Variants in TMEM41B observed in about 807,000 individuals in gnomAD.
TMEM41B encodes the protein protein stasimon.
A neutral mutation model predicts 31.9 loss-of-function variants in TMEM41B; 18 were observed. The ratio of observed to expected loss-of-function variants is 0.56; its 90% confidence interval spans 0.39 to 0.84. The LOEUF (loss-of-function observed/expected upper bound fraction) is 0.84, where lower values mean the gene tolerates loss of function less well. Ranked by LOEUF, TMEM41B falls within the 40% of genes least tolerant of loss-of-function variation. The probability of loss-of-function intolerance (pLI) is 0.00; values close to 1 mark genes in which losing one functional copy is unlikely to be tolerated. For synonymous variants in TMEM41B, 144 were observed against 124.3 expected (o/e 1.16, Z -1.05); for missense variants, 322 against 348.0 (o/e 0.93, Z 0.59).
intron 6 of TMEM41B, among the ~76,000 whole-genome samples, chr11:9,285,994 AG>A (rs145460210): frequency 0.024 from 3,609 of 152,256 alleles, 132 homozygotes; most frequent in African/African-American, 0.082. Context: ...GTGTGCCTGC[AG>A]TACCAGCTCC....
chr11:9,288,037 CA>C, intron 4 of TMEM41B: 1 of 496,978 alleles, frequency 2.0e-6, no homozygotes. Flanking sequence ...TGACTATATC[CA>C]AATAATTAAT....
intron 1 of TMEM41B, among the ~76,000 whole-genome samples, chr11:9,304,446 T>C (rs1853333861): frequency 6.6e-6 from 1 of 152,152 alleles, no homozygotes; most frequent in South Asian, 2.1e-4. Flanking sequence ...GTTGTTTTGG[T>C]TTATAAATAT....
chr11:9,311,555 T>A, intron 1 of TMEM41B: 1 of 1,124,016 alleles, frequency 8.9e-7, no homozygotes, highest in Non-Finnish European at 1.3e-6. Flanking sequence ...GCGGAGCTCC[T>A]GGGGGAGGAG....
intron 3 of TMEM41B, among the ~76,000 whole-genome samples, chr11:9,292,188 G>C (rs1199444296): frequency 6.6e-6 from 1 of 152,128 alleles, no homozygotes; most frequent in Admixed American, 6.5e-5. Context: ...GAAGAAACCA[G>C]ATCATTTGTA....
chr11:9,314,419 T>G lies in TMEM41B; in HGVS notation c.23A>C (p.Glu8Ala). 6.4e-7 allele frequency: 1 copy of G among 1,561,578 alleles called. No individual in the cohort carries two copies. The highest frequency in any genetic ancestry group is 8.7e-7 in the Non-Finnish European group (1 of 1,152,592). The change falls in exon 1 of 7, where the codon GAA becomes GCA. Residue 8 changes from glutamate (E) to alanine (A), a missense_variant. Physicochemically the swap from Glu to Ala is moderately radical, Grantham distance 107 (BLOSUM62 -1). This residue lies in a region of TMEM41B where 183 missense variants were observed against 175.3 expected (regional missense o/e 1.04). Transcript: ENST00000528080. MAKGRVA[E>A]RSQLGAHHTT... ...GTGGTGAGCGCCCAACTGCGATCGT[T>G]CGGCGACTCTGCCTTTCGCCATGGC...
chr11:9,311,164 CG>C lies in TMEM41B; in HGVS notation c.121+3156del, dbSNP rs1564969755. The C allele has an allele frequency of 5.9e-6, 7 of 1,183,656 alleles. 1 individual carries two copies. In the African/African-American group the frequency reaches 7.7e-5, roughly 13 times the overall value. The allele number at this position is 1,183,656 out of a possible 1,614,324, so 73.3% of individuals were successfully genotyped here. A position where few individuals can be genotyped will look rare whatever the true frequency, so the allele number is the denominator to read the frequency against. ...GCTCAACAGCAGGGTGAAGCTCAGG[CG>C]GGGGTAGGGTGTGGGGAGCACAAGG... On this transcript the variant is annotated intron_variant, in intron 1 of 6. Transcript: ENST00000528080.
intron 6 of TMEM41B, among the ~76,000 whole-genome samples, chr11:9,286,133 T>C (rs560480610): frequency 6.6e-6 from 1 of 152,150 alleles, no homozygotes; most frequent in Non-Finnish European, 1.5e-5. Context: ...GGAAGGGACA[T>C]AGGAGAAAAT....
chr11:9,295,499 G>C (rs1194810657), intron 2 of TMEM41B, 112 bp from the exon 3 acceptor site: 5 of 646,630 alleles, frequency 7.7e-6, no homozygotes, highest in Non-Finnish European at 1.3e-5. Context: ...GATCTATTAA[G>C]TCTAAATTAG....
At chr11:9,287,458 A>G (rs967010639) in intron 5 of TMEM41B, among the ~76,000 whole-genome samples, 1 of 152,246 alleles carries the variant, frequency 6.6e-6, no homozygotes, top group African/African-American at 2.4e-5. Flanking sequence ...TGCTGATTAA[A>G]TTTACTAAGA....
In TMEM41B at chr11:9,314,590, C is replaced by G. The variant is rs992389924; in HGVS notation, c.-149G>C. ...CGAGACGACCTCAGCCCAGCGAGTACTGCAACCTCCTGCAAACACCCGCAG... is the reference window on the plus strand; with the variant it reads ...CGAGACGACCTCAGCCCAGCGAGTAGTGCAACCTCCTGCAAACACCCGCAG... On this transcript the variant is annotated 5_prime_UTR_variant, in exon 1 of 7. Transcript: ENST00000528080. 2 of 1,064,754 alleles carry G rather than the reference C, an allele frequency of 1.9e-6. No individual in the cohort carries two copies. Among genetic ancestry groups the G allele is most frequent in the African/African-American group, 3.3e-5 (2 of 61,066 alleles). 66.0% of individuals were successfully genotyped at this position (1,064,754 alleles called of 1,614,324 possible). A position where few individuals can be genotyped will look rare whatever the true frequency, so the allele number is the denominator to read the frequency against.
In TMEM41B at chr11:9,298,673, C is replaced by A. The variant is rs550871754; in HGVS notation, c.239+911G>T. 2.8e-4 allele frequency among the ~76,000 whole-genome samples: 42 copies of A among 150,146 alleles called. No individual in the cohort carries two copies. In the South Asian group the frequency reaches 5.0e-3, roughly 18 times the overall value. On this transcript the variant is annotated intron_variant, in intron 2 of 6. Transcript: ENST00000528080. Reference sequence around the variant, plus strand: ...CCCAACTACTCAGGGGACTGAGGCACAAAAATCCTTCAACTCAGGAGAGGA... The same window carrying A: ...CCCAACTACTCAGGGGACTGAGGCAAAAAAATCCTTCAACTCAGGAGAGGA...
chr11:9,295,233 A>G, intron 3 of TMEM41B, 26 bp downstream of exon 3: 1 of 1,490,420 alleles, frequency 6.7e-7, no homozygotes, highest in Non-Finnish European at 9.0e-7. Flanking sequence ...CAAAATTAGA[A>G]AACATTTTTT....
rs1853636372 is a variant in TMEM41B at position 9,314,307 on chromosome 11, C to G, written c.121+14G>C. On this transcript the variant is annotated intron_variant, in intron 1 of 6. Coordinates refer to ENST00000528080, the MANE Select transcript of TMEM41B (RefSeq NM_015012.4). ...CTCGGGCCACCCCCAGCTCTGCTCC[C>G]CGGGCCCACTCACCCTTCTGGTGGT... 6.3e-7 allele frequency: 1 copy of G among 1,595,660 alleles called. No individual in the cohort carries two copies. The highest frequency in any genetic ancestry group is 1.1e-5 in the South Asian group (1 of 90,100).
chr11:9,291,100 A>T (rs913005123), intron 3 of TMEM41B, among the ~76,000 whole-genome samples: 1 of 152,132 alleles, frequency 6.6e-6, no homozygotes, highest in African/African-American at 2.4e-5. Context: ...TGGGAAATAG[A>T]GTGAGACTCT....
intron 1 of TMEM41B, among the ~76,000 whole-genome samples, chr11:9,307,957 G>C (rs530062995): frequency 6.6e-6 from 1 of 151,800 alleles, no homozygotes; most frequent in South Asian, 2.1e-4. Flanking sequence ...ACCGTGGTCT[G>C]GATCTCCTGA....
intron 1 of TMEM41B, among the ~76,000 whole-genome samples, chr11:9,310,508 G>T (rs1294724101): frequency 6.6e-6 from 1 of 151,830 alleles, no homozygotes; most frequent in African/African-American, 2.4e-5. Flanking sequence ...CCTCACAAGG[G>T]TCATGACTTA....
At position 9,283,284 on chromosome 11, in the gene TMEM41B, T is replaced by A; in HGVS notation, c.*140A>T. 1.5e-6 allele frequency: 1 copy of A among 662,606 alleles called. No homozygotes were observed. The highest frequency in any genetic ancestry group is 3.3e-5 in the Admixed American group (1 of 30,006). 41.0% of individuals were successfully genotyped at this position (662,606 alleles called of 1,614,324 possible). A position where few individuals can be genotyped will look rare whatever the true frequency, so the allele number is the denominator to read the frequency against. ...TTCTCCCCTTGTCACTTAAATGTATTACTTTAACTATCTGATAGGAAATTT... is the reference window on the plus strand; with the variant it reads ...TTCTCCCCTTGTCACTTAAATGTATAACTTTAACTATCTGATAGGAAATTT... On this transcript the variant is annotated 3_prime_UTR_variant, in exon 7 of 7. Transcript: ENST00000528080.
intron 1 of TMEM41B, among the ~76,000 whole-genome samples, chr11:9,312,819 G>A (rs923534702): frequency 6.6e-5 from 10 of 151,040 alleles, no homozygotes; most frequent in Admixed American, 2.7e-4. Flanking sequence ...CAGGAGAATG[G>A]CGTGAACCCA....
intron 6 of TMEM41B, among the ~76,000 whole-genome samples, 168 bp downstream of exon 6, chr11:9,286,287 A>G (rs1172553877): frequency 6.6e-6 from 1 of 152,184 alleles, no homozygotes; most frequent in Non-Finnish European, 1.5e-5. Flanking sequence ...AATCAACACA[A>G]TTCAACAAAC....
Sources: gnomAD v4.1 joint callset for allele counts (sites outside exome capture counted in the v4.1 genomes callset) on GRCh38, gnomAD v4.1.1 for gene constraint, gnomAD v4.1.1 regional missense constraint, MANE v1.5 for transcripts, NCBI Gene and HGNC (gene_info 2026-07-23, HGNC 2026-07-21) for gene names.